RRM1: variants seen among roughly 807,000 people sequenced by gnomAD.
The protein encoded by RRM1 is ribonucleotide reductase catalytic subunit M1.
Under a neutral mutation model 101.5 loss-of-function variants are expected in RRM1, and 19 were observed. The ratio of observed to expected loss-of-function variants is 0.19; its 90% confidence interval spans 0.13 to 0.27. The LOEUF (loss-of-function observed/expected upper bound fraction) is 0.27, where lower values mean the gene tolerates loss of function less well. Ranked by LOEUF, RRM1 falls within the 10% of genes least tolerant of loss-of-function variation. The probability of loss-of-function intolerance (pLI) is 1.00; values close to 1 mark genes in which losing one functional copy is unlikely to be tolerated. For missense variants in RRM1, 500 were observed against 962.9 expected (o/e 0.52, Z 6.36); for synonymous variants, 298 against 323.4 (o/e 0.92, Z 0.84).
intron 12 of RRM1, among the ~76,000 whole-genome samples, chr11:4,123,622 G>C (rs1228059415): frequency 6.6e-6 from 1 of 152,168 alleles, no homozygotes. Flanking sequence ...ACACATCACT[G>C]TAATAACATT....
chr11:4,126,742 C>T lies in RRM1; in HGVS notation c.1379C>T (p.Thr460Ile). The change falls in exon 13 of 19, where the codon ACA (threonine) becomes ATA (isoleucine). Residue 460 changes from threonine (T) to isoleucine (I), a missense_variant. This residue lies in a region of RRM1 where 80 missense variants were observed against 170.9 expected (regional missense o/e 0.47). Transcript: ENST00000300738. ...AATATGTATGTCACATCAGAACACACATACGACTTTAAGAAGTTGGCTGAA... is the reference window on the plus strand; with the variant it reads ...AATATGTATGTCACATCAGAACACATATACGACTTTAAGAAGTTGGCTGAA... The part of the protein sequence containing the change: ...ALNMYVTSEH[T>I]YDFKKLAEVT... The T allele has an allele frequency of 6.2e-7, 1 of 1,613,934 alleles. No homozygotes were observed. Among genetic ancestry groups the T allele is most frequent in the Non-Finnish European group, 8.5e-7 (1 of 1,179,858 alleles).
chr11:4,128,861 A>G (rs984984017), intron 14 of RRM1, among the ~76,000 whole-genome samples: 6 of 152,148 alleles, frequency 3.9e-5, no homozygotes, highest in Non-Finnish European at 8.8e-5. Context: ...ATGACATGGG[A>G]TAATCAGTTT....
chr11:4,116,130 A>AG (rs1027112198), intron 7 of RRM1: 4 of 152,154 alleles, frequency 2.6e-5, no homozygotes, highest in African/African-American at 4.8e-5. Flanking sequence ...ATGCTGGGTG[A>AG]GGAGTGGTCA....
In RRM1 at chr11:4,132,362, T is replaced by A. The variant is rs1213683917; in HGVS notation, c.1846T>A (p.Ser616Thr). The A allele has an allele frequency of 6.2e-7, 1 of 1,614,070 alleles. No individual in the cohort carries two copies. The highest frequency in any genetic ancestry group is 1.7e-5 in the Admixed American group (1 of 60,014). Residue 616 changes from serine to threonine, a missense_variant, in exon 16 of 19, where the codon TCC becomes ACC. By Grantham distance (58) the Ser-to-Thr change is moderately conservative. Coordinates refer to ENST00000300738, the MANE Select transcript of RRM1 (RefSeq NM_001033.5). This position sits in a 1 kb window ranked among gnomAD's most constrained non-coding sequence, Gnocchi z 4.1. ...STAQILGNNESIEPYTSNIYT... is the reference protein window; with the variant it reads ...STAQILGNNETIEPYTSNIYT... ...TGCTCAGATCCTGGGGAATAATGAG[T>A]CCATTGAACCTTACACCAGCAACAT...
Position 4,107,484 on chromosome 11 carries a change from C to G in RRM1, c.336C>G (p.His112Gln). The change falls in exon 4 of 19, where the codon CAC (histidine) becomes CAG (glutamine). Residue 112 changes from histidine (H) to glutamine (Q), a missense_variant. Around this residue, in one of 9 missense-constraint regions of RRM1, gnomAD observed 41 missense variants for 40.7 expected, o/e 1.01. Coordinates refer to ENST00000300738, the MANE Select transcript of RRM1 (RefSeq NM_001033.5). ...YNYINPHNGK[H>Q]SPMVAKSTLD... ...ACATAAATCCACATAATGGCAAACA[C>G]TCTCCCATGGTGGCCAAGTCAACAT... 6.2e-7 allele frequency: 1 copy of G among 1,613,634 alleles called. No individual in the cohort carries two copies. Among genetic ancestry groups the G allele is most frequent in the Non-Finnish European group, 8.5e-7 (1 of 1,179,608 alleles).
At chr11:4,121,437 T>G (rs1203345055) in intron 9 of RRM1, 167 bp from the exon 10 acceptor site, 2 of 480,624 alleles carry the variant, frequency 4.2e-6, no homozygotes, top group Non-Finnish European at 7.0e-6. Context: ...AAAATATTAC[T>G]TTTACAATTA....
At chr11:4,135,692 C>T (rs10767845) in intron 18 of RRM1, among the ~76,000 whole-genome samples, 41,385 of 151,940 alleles carry the variant, frequency 0.27, 6,925 homozygotes, top group South Asian at 0.46. Flanking sequence ...ACTTTGCACA[C>T]GTCAACCCGC....
At chr11:4,130,086 A>ATATATATATTTTT (rs1202870487) in intron 15 of RRM1, among the ~76,000 whole-genome samples, 2 of 99,484 alleles carry the variant, frequency 2.0e-5, no homozygotes, top group African/African-American at 1.1e-4. Flanking sequence ...ATATATATAT[A>ATATATATATTTTT]TTTTTTTTTT....
intron 2 of RRM1, among the ~76,000 whole-genome samples, chr11:4,103,431 A>G (rs1299609585): frequency 6.6e-6 from 1 of 152,216 alleles, no homozygotes; most frequent in East Asian, 1.9e-4. Context: ...GAGTGACTTA[A>G]GTTAGTGGGA....
intron 10 of RRM1, 120 bp from the exon 11 acceptor site, chr11:4,122,021 A>G: frequency 1.1e-5 from 9 of 813,540 alleles, no homozygotes; most frequent in Non-Finnish European, 1.7e-5. Context: ...GAAAATGATT[A>G]TTTCTACAGC....
intron 9 of RRM1, 143 bp downstream of exon 9, chr11:4,120,071 A>G: frequency 1.7e-6 from 1 of 575,080 alleles, no homozygotes; most frequent in Non-Finnish European, 3.1e-6. Flanking sequence ...AATTATTTTA[A>G]TATGCATATA....
At position 4,123,267 on chromosome 11, in the gene RRM1, C is replaced by A. The variant is rs72555789; in HGVS notation, c.1203C>A (p.Gly401=). 1 of 1,614,042 alleles carries A rather than the reference C, an allele frequency of 6.2e-7. No homozygotes were observed. Among genetic ancestry groups the A allele is most frequent in the Admixed American group, 1.7e-5 (1 of 60,008 alleles). ...YAIIESQTET[G]TPYMLYKDSC... ...TCATTGAGTCTCAGACGGAAACAGG[C>A]ACCCCGTATATGCTCTACAAAGATT... is the stretch of plus-strand genomic sequence containing the variant. The change falls in exon 12 of 19, where the codon GGC becomes GGA. Residue 401 remains glycine (G), a synonymous_variant. Coordinates refer to ENST00000300738, the MANE Select transcript of RRM1 (RefSeq NM_001033.5).
intron 6 of RRM1, 46 bp downstream of exon 6, chr11:4,111,686 T>C (rs760529956): frequency 4.7e-6 from 7 of 1,485,298 alleles, no homozygotes; most frequent in Non-Finnish European, 6.5e-6. Flanking sequence ...ACTCATTATA[T>C]TGAATGTATA....
rs931535349 is a variant in RRM1 at position 4,095,607 on chromosome 11, C to T, written c.19+576C>T. Reference sequence around the variant, plus strand: ...GAGTGTGGCGTGGAAAAAACAGATCCCAGACAGACAGCACCCTCGAGTTCC... The same window carrying T: ...GAGTGTGGCGTGGAAAAAACAGATCTCAGACAGACAGCACCCTCGAGTTCC... On this transcript the variant is annotated intron_variant, in intron 1 of 18. Transcript: ENST00000300738. Among the ~76,000 whole-genome samples, 4 of 152,230 alleles carry T rather than the reference C, an allele frequency of 2.6e-5. No homozygotes were observed. The East Asian group carries it at 7.7e-4, about 29-fold the overall frequency.
intron 8 of RRM1, 141 bp from the exon 9 acceptor site, chr11:4,119,704 A>G (rs2094578710): frequency 6.2e-6 from 4 of 648,990 alleles, no homozygotes; most frequent in Non-Finnish European, 1.1e-5. Flanking sequence ...TTTCCAAAGC[A>G]GAAGTAGAGA....
chr11:4,118,482 T>C, intron 8 of RRM1, 21 bp downstream of exon 8: 1 of 1,613,370 alleles, frequency 6.2e-7, no homozygotes, highest in Non-Finnish European at 8.5e-7. Context: ...GCCATTTGAC[T>C]TTTAAAGGGG....
chr11:4,129,032 T>G, intron 14 of RRM1, 42 bp from the exon 15 acceptor site: 1 of 1,200,658 alleles, frequency 8.3e-7, no homozygotes, highest in Admixed American at 2.4e-5. Context: ...TGGTCATAGT[T>G]TTAACTTGCT....
intron 5 of RRM1, among the ~76,000 whole-genome samples, chr11:4,111,246 A>C (rs2094565074): frequency 6.6e-6 from 1 of 151,890 alleles, no homozygotes; most frequent in African/African-American, 2.4e-5. Context: ...TCTCTACTAA[A>C]AATAGAAAAA....
At chr11:4,095,724 T>G (rs1387578585) in intron 1 of RRM1, among the ~76,000 whole-genome samples, 1 of 152,216 alleles carries the variant, frequency 6.6e-6, no homozygotes, top group Non-Finnish European at 1.5e-5. Flanking sequence ...GGAACTCGTA[T>G]TCTTTCTCAA....
Sources: gnomAD v4.1 joint callset for allele counts (sites outside exome capture counted in the v4.1 genomes callset) on GRCh38, gnomAD v4.1.1 for gene constraint, gnomAD v4.1.1 regional missense constraint, Gnocchi (gnomAD v3.1) non-coding constraint, MANE v1.5 for transcripts, NCBI Gene and HGNC (gene_info 2026-07-23, HGNC 2026-07-21) for gene names.